CCT6B: variants seen among roughly 807,000 people sequenced by gnomAD.
CCT6B encodes probable T-complex protein 1 subunit zeta-2.
A neutral mutation model predicts 61.5 loss-of-function variants in CCT6B; 49 were observed. The ratio of observed to expected loss-of-function variants is 0.80; its 90% CI spans 0.63 to 1.01. The LOEUF is 1.01. CCT6B is among the 50% of genes least tolerant of loss of function. The probability of loss-of-function intolerance (pLI) is 0.00; values close to 1 mark genes in which losing one functional copy is unlikely to be tolerated. For synonymous variants in CCT6B, 228 were observed against 214.5 expected (o/e 1.06, Z -0.55); for missense variants, 666 against 634.7 (o/e 1.05, Z -0.53).
chr17:34,931,013 T>C lies in CCT6B; in HGVS notation c.1386A>G (p.Thr462=). 6.2e-7 allele frequency: 1 copy of C among 1,602,734 alleles called. No individual in the cohort carries two copies. Among genetic ancestry groups the C allele is most frequent in the Non-Finnish European group, 8.5e-7 (1 of 1,172,412 alleles). The change falls in exon 12 of 14, where the codon ACA becomes ACG. Residue 462 remains threonine (T), a synonymous_variant. Transcript: ENST00000314144. ...AQNAGYDPQE[T]LVKVQAEHVE... The stretch of plus-strand genomic sequence containing the variant: ...CATGCTCAGCCTGAACTTTTACTAA[T>C]GTTTCCTGTGGGTCATAACCAGCAT...
At chr17:34,949,684 A>C (rs1400518982) in intron 5 of CCT6B, 2 of 152,180 alleles carry the variant, frequency 1.3e-5, no homozygotes, top group Non-Finnish European at 2.9e-5. Context: ...CAAAAGTTCA[A>C]TGCACCAGAA....
At chr17:34,960,065 A>ATC (rs1461427868) in intron 1 of CCT6B, among the ~76,000 whole-genome samples, 1 of 152,168 alleles carries the variant, frequency 6.6e-6, no homozygotes, top group Non-Finnish European at 1.5e-5. Context: ...CTACCTAAAT[A>ATC]TCTCTTGAAT....
intron 4 of CCT6B, among the ~76,000 whole-genome samples, chr17:34,953,152 T>C (rs985671587): frequency 1.3e-5 from 2 of 152,078 alleles, no homozygotes; most frequent in Non-Finnish European, 2.9e-5. Context: ...CTGCTTTGTA[T>C]GTCAATGTCT....
At chr17:34,928,888 A>G (rs1351677073) in intron 13 of CCT6B, 74 bp downstream of exon 13, 1 of 883,224 alleles carries the variant, frequency 1.1e-6, no homozygotes, top group African/African-American at 1.7e-5. Context: ...GACAAAAATA[A>G]TAGAAAAAAT....
At chr17:34,945,905 G>A (rs2090218396) in intron 5 of CCT6B, among the ~76,000 whole-genome samples, 1 of 152,172 alleles carries the variant, frequency 6.6e-6, no homozygotes. Flanking sequence ...GGATCAGTAG[G>A]TTCTTTTATC....
intron 7 of CCT6B, among the ~76,000 whole-genome samples, chr17:34,942,232 G>A (rs933153118): frequency 1.4e-4 from 21 of 151,202 alleles, no homozygotes; most frequent in African/African-American, 5.1e-4. Flanking sequence ...TAAAGAATGC[G>A]ATGACTACTA....
intron 5 of CCT6B, among the ~76,000 whole-genome samples, chr17:34,947,393 T>C (rs1018284416): frequency 2.0e-5 from 3 of 151,984 alleles, no homozygotes; most frequent in Non-Finnish European, 2.9e-5. Context: ...AAGAGAAATA[T>C]CTTAACATCA....
intron 4 of CCT6B, 112 bp downstream of exon 4, chr17:34,954,314 A>G (rs2090324811): frequency 6.7e-6 from 5 of 749,904 alleles, no homozygotes; most frequent in Non-Finnish European, 1.1e-5. Flanking sequence ...TCTGTCTTCC[A>G]TATTTTATGC....
intron 11 of CCT6B, 60 bp downstream of exon 11, chr17:34,932,307 T>A: frequency 6.7e-7 from 1 of 1,485,770 alleles, no homozygotes; most frequent in South Asian, 1.4e-5. Context: ...ATATGGGCAA[T>A]TTGTAATTAA....
intron 3 of CCT6B, among the ~76,000 whole-genome samples, chr17:34,956,635 T>C (rs78034601): frequency 0.026 from 3,904 of 152,226 alleles, 68 homozygotes; most frequent in East Asian, 0.096. Context: ...TCCTGATTAG[T>C]CTAAGTCAAT....
At position 34,953,958 on chromosome 17, in the gene CCT6B, AAATT is replaced by A. The variant is rs1200822581; in HGVS notation, c.510+464_510+467del. Among the ~76,000 whole-genome samples the A allele has an allele frequency of 4.2e-4, 64 of 152,304 alleles. No homozygotes were observed. In the East Asian group the frequency reaches 0.01, roughly 24 times the overall value. On this transcript the variant is annotated intron_variant, in intron 4 of 13. Coordinates refer to ENST00000314144, the MANE Select transcript of CCT6B (RefSeq NM_006584.4). ...GACAGAGTAAGACTCTGTCTCAAAT[AAATT>A]AATAAAAGAAATAAACTAAACAAAC...
At chr17:34,945,485 G>A (rs2090213432) in intron 5 of CCT6B, among the ~76,000 whole-genome samples, 1 of 152,124 alleles carries the variant, frequency 6.6e-6, no homozygotes, top group South Asian at 2.1e-4. Flanking sequence ...AGATATCTCT[G>A]ACCGCTCTAT....
chr17:34,935,951 T>C (rs1187198270), intron 10 of CCT6B, among the ~76,000 whole-genome samples: 1 of 151,610 alleles, frequency 6.6e-6, no homozygotes, highest in Non-Finnish European at 1.5e-5. Context: ...GTGTGTGTTT[T>C]GACAAAAAAC....
At chr17:34,947,120 AC>A (rs2090233097) in intron 5 of CCT6B, among the ~76,000 whole-genome samples, 1 of 152,212 alleles carries the variant, frequency 6.6e-6, no homozygotes, top group Non-Finnish European at 1.5e-5. Context: ...AAAATATATC[AC>A]TAGAAATTAT....
intron 5 of CCT6B, among the ~76,000 whole-genome samples, chr17:34,947,975 CAAAAA>C (rs570493756): frequency 3.2e-5 from 2 of 63,054 alleles, no homozygotes; most frequent in African/African-American, 5.7e-5. Context: ...CACTCCGTCT[CAAAAA>C]AAAAAAAAAA....
chr17:34,958,106 A>G (rs766732289), intron 3 of CCT6B, among the ~76,000 whole-genome samples: 19 of 152,218 alleles, frequency 1.2e-4, no homozygotes, highest in Non-Finnish European at 2.2e-4. Context: ...AACAAAGTTC[A>G]TTATTATTTC....
chr17:34,931,290 T>A (rs1318200430), intron 11 of CCT6B, among the ~76,000 whole-genome samples: 2 of 152,060 alleles, frequency 1.3e-5, no homozygotes, highest in Non-Finnish European at 2.9e-5. Flanking sequence ...GACATCAGAG[T>A]TCCCCCATTT....
In CCT6B at chr17:34,939,710, G is replaced by C. The variant is rs773194984; in HGVS notation, c.972C>G (p.Leu324=). 1.9e-6 allele frequency: 3 copies of C among 1,605,416 alleles called. No individual in the cohort carries two copies. The highest frequency in any genetic ancestry group is 2.2e-5 in the East Asian group (1 of 44,776). Residue 324 remains leucine (L), a synonymous_variant, in exon 9 of 14, where the codon CTC becomes CTG. Transcript: ENST00000314144. Reference sequence around the variant, plus strand: ...CGGCCATTCCACCACAAGCAAGAGAGAGTCTGAAATTACATATATGTCACC... The same window carrying C: ...CGGCCATTCCACCACAAGCAAGAGACAGTCTGAAATTACATATATGTCACC... ...RRAKRRNMER[L]SLACGGMAVN...
chr17:34,932,461 A>T lies in CCT6B; in HGVS notation c.1253T>A (p.Met418Lys). 2 of 1,612,444 alleles carry T rather than the reference A, an allele frequency of 1.2e-6. No homozygotes were observed. Among genetic ancestry groups the T allele is most frequent in the Non-Finnish European group, 1.7e-6 (2 of 1,179,368 alleles). The change falls in exon 11 of 14, where the codon ATG becomes AAG. Residue 418 changes from methionine (M) to lysine (K), a missense_variant. Transcript: ENST00000314144. Reference sequence around the variant, plus strand: ...CTTATATGTAACAAGAGCTTCAGCCATTGCCACTTCAATTGCACCAGCTCC... The same window carrying T: ...CTTATATGTAACAAGAGCTTCAGCCTTTGCCACTTCAATTGCACCAGCTCC... ...VPGAGAIEVAMAEALVTYKNS... is the reference protein window; with the variant it reads ...VPGAGAIEVAKAEALVTYKNS...
Sources: gnomAD v4.1 joint callset for allele counts (sites outside exome capture counted in the v4.1 genomes callset) on GRCh38, gnomAD v4.1.1 for gene constraint, MANE v1.5 for transcripts, NCBI Gene and HGNC (gene_info 2026-07-23, HGNC 2026-07-21) for gene names.